The following FRMD4A variants were observed in gnomAD, a reference collection of about 807,000 sequenced individuals.
FRMD4A encodes FERM domain-containing protein 4A.
FRMD4A carries 29 observed loss-of-function variants against 129.1 expected under a neutral mutation model. That is an observed-to-expected ratio of 0.22 (90% confidence interval 0.17 to 0.31). The LOEUF (loss-of-function observed/expected upper bound fraction) is 0.31. FRMD4A is among the 10% of genes least tolerant of loss of function. FRMD4A has a pLI of 1.00. For synonymous variants in FRMD4A, 634 were observed against 571.6 expected (o/e 1.11, Z -1.56); for missense variants, 1,272 against 1,375.8 (o/e 0.92, Z 1.19).
At chr10:13,819,088 A>G (rs946284112) in intron 3 of FRMD4A, among the ~76,000 whole-genome samples, 1 of 152,120 alleles carries the variant, frequency 6.6e-6, no homozygotes, top group Non-Finnish European at 1.5e-5. Flanking sequence ...AGATCGCACC[A>G]CTACCCTCCA....
chr10:13,700,230 G>A (rs547717514), intron 14 of FRMD4A, among the ~76,000 whole-genome samples: 2 of 151,750 alleles, frequency 1.3e-5, no homozygotes, highest in East Asian at 1.9e-4. Flanking sequence ...CTACAGATGT[G>A]AGCCACTGTG....
chr10:14,067,113 C>T (rs1030432645), intron 2 of FRMD4A, among the ~76,000 whole-genome samples: 5 of 151,800 alleles, frequency 3.3e-5, no homozygotes, highest in Non-Finnish European at 7.4e-5. Context: ...GTCAGGAATT[C>T]GAGACCAGCC....
At chr10:14,225,361 C>T (rs1461351418) in intron 2 of FRMD4A, among the ~76,000 whole-genome samples, 2 of 152,168 alleles carry the variant, frequency 1.3e-5, no homozygotes, top group African/African-American at 2.4e-5. Flanking sequence ...CAGAGAGACA[C>T]CAAACTGCTT....
intron 2 of FRMD4A, among the ~76,000 whole-genome samples, chr10:14,070,744 ACAT>A (rs1348930584): frequency 6.6e-6 from 1 of 152,224 alleles, no homozygotes; most frequent in Non-Finnish European, 1.5e-5. Flanking sequence ...TGTGTGCTAG[ACAT>A]CATGCTAGGC....
chr10:14,263,976 G>A (rs1844893027), intron 2 of FRMD4A, among the ~76,000 whole-genome samples: 1 of 152,200 alleles, frequency 6.6e-6, no homozygotes, highest in Non-Finnish European at 1.5e-5. Flanking sequence ...TCCAGTGAGC[G>A]AGCATTGCAC....
At chr10:13,972,447 G>T in intron 2 of FRMD4A, 1 of 287,082 alleles carries the variant, frequency 3.5e-6, no homozygotes, top group Non-Finnish European at 5.2e-6. Flanking sequence ...GGATTGAAAT[G>T]GCTGGAAAGA....
intron 3 of FRMD4A, among the ~76,000 whole-genome samples, chr10:13,816,638 T>C (rs17547701): frequency 0.095 from 14,404 of 152,292 alleles, 983 homozygotes; most frequent in Non-Finnish European, 0.15. Flanking sequence ...TGAAAGTTTC[T>C]TAAACTCCTT....
chr10:14,224,456 A>AC (rs1446478476), intron 2 of FRMD4A, among the ~76,000 whole-genome samples: 1 of 150,546 alleles, frequency 6.6e-6, no homozygotes, highest in Non-Finnish European at 1.5e-5. Flanking sequence ...CCTCATTTCC[A>AC]CTCCTACTCA....
chr10:13,797,792 T>C (rs1447155530), intron 4 of FRMD4A, among the ~76,000 whole-genome samples: 1 of 152,148 alleles, frequency 6.6e-6, no homozygotes, highest in East Asian at 1.9e-4. Flanking sequence ...TCTGTCTGCA[T>C]CATTGTCTAA....
At chr10:14,088,259 C>T (rs1836411716) in intron 2 of FRMD4A, among the ~76,000 whole-genome samples, 1 of 151,734 alleles carries the variant, frequency 6.6e-6, no homozygotes, top group Admixed American at 6.6e-5. Context: ...CCAGCCTGGG[C>T]AACATGACGA....
intron 2 of FRMD4A, among the ~76,000 whole-genome samples, chr10:14,316,726 A>T (rs1846756116): frequency 6.6e-6 from 1 of 152,180 alleles, no homozygotes; most frequent in African/African-American, 2.4e-5. Flanking sequence ...CAATCTGGTG[A>T]CCACATGAGG....
intron 12 of FRMD4A, among the ~76,000 whole-genome samples, chr10:13,733,707 G>A (rs540825146): frequency 1.2e-4 from 18 of 152,236 alleles, no homozygotes; most frequent in African/African-American, 1.7e-4. Flanking sequence ...GATTACAGGC[G>A]TGAGCCACCT....
chr10:14,056,610 C>G (rs533772946), intron 2 of FRMD4A, among the ~76,000 whole-genome samples: 52 of 152,156 alleles, frequency 3.4e-4, no homozygotes, highest in Non-Finnish European at 2.9e-4. Context: ...TTTCTCCAGT[C>G]GCATCCTCTG....
intron 2 of FRMD4A, among the ~76,000 whole-genome samples, chr10:14,230,207 G>C (rs767680359): frequency 6.6e-6 from 1 of 152,168 alleles, no homozygotes; most frequent in Non-Finnish European, 1.5e-5. Flanking sequence ...AGAAATGTGG[G>C]GCCCTCTCCC....
chr10:13,651,880 GA>G (rs2081628117), intron 24 of FRMD4A, 22 bp downstream of exon 24: 7 of 1,262,566 alleles, frequency 5.5e-6, no homozygotes, highest in Non-Finnish European at 5.8e-6. Context: ...TGGGCAGTAG[GA>G]ACAAAACTCC....
At chr10:14,256,832 A>T (rs1414586622) in intron 2 of FRMD4A, among the ~76,000 whole-genome samples, 2 of 152,270 alleles carry the variant, frequency 1.3e-5, no homozygotes, top group East Asian at 1.9e-4. Flanking sequence ...AAAATTTTTT[A>T]AAATAAAAAT....
At chr10:13,967,844 G>C (rs908506792) in intron 2 of FRMD4A, among the ~76,000 whole-genome samples, 1 of 152,228 alleles carries the variant, frequency 6.6e-6, no homozygotes, top group Non-Finnish European at 1.5e-5. Context: ...CCAGGAGTTT[G>C]AGACCAGTCT....
At chr10:14,009,049 A>G (rs900951788) in intron 2 of FRMD4A, among the ~76,000 whole-genome samples, 3 of 152,190 alleles carry the variant, frequency 2.0e-5, no homozygotes, top group African/African-American at 7.2e-5. Flanking sequence ...ACAAGAAGAA[A>G]TTATGTTTCG....
intron 2 of FRMD4A, among the ~76,000 whole-genome samples, chr10:14,227,742 A>G (rs138182782): frequency 6.6e-6 from 1 of 152,180 alleles, no homozygotes; most frequent in African/African-American, 2.4e-5. Flanking sequence ...ATGAGATGCT[A>G]TTGGTCACAC....
Sources: gnomAD v4.1 joint callset for allele counts (sites outside exome capture counted in the v4.1 genomes callset) on GRCh38, gnomAD v4.1.1 for gene constraint, MANE v1.5 for transcripts, NCBI Gene and HGNC (gene_info 2026-07-23, HGNC 2026-07-21) for gene names.